The following PCSK6 variants were observed in gnomAD, a reference collection of about 807,000 sequenced individuals.
PCSK6 encodes the protein proprotein convertase subtilisin/kexin type 6.
In PCSK6, 85 loss-of-function variants were observed where a neutral mutation model predicts 123.3. The ratio of observed to expected loss-of-function variants is 0.69; its 90% CI spans 0.58 to 0.83. The LOEUF is 0.83. Ranked by LOEUF, PCSK6 falls within the 40% of genes least tolerant of loss-of-function variation. PCSK6 has a pLI of 0.00. For synonymous variants in PCSK6, 508 were observed against 516.0 expected (o/e 0.98, Z 0.21); for missense variants, 1,191 against 1,282.3 (o/e 0.93, Z 1.09).
intron 13 of PCSK6, among the ~76,000 whole-genome samples, chr15:101,358,254 T>C (rs1673450926): frequency 1.3e-5 from 2 of 152,208 alleles, no homozygotes; most frequent in African/African-American, 4.8e-5. Context: ...AGCCGTACCC[T>C]TGGGGCAGTC....
At chr15:101,350,578 C>A (rs1267200849) in intron 13 of PCSK6, among the ~76,000 whole-genome samples, 14 of 152,210 alleles carry the variant, frequency 9.2e-5, no homozygotes, top group Admixed American at 8.5e-4. Context: ...ATTTATTAAA[C>A]AGCAGTTAAA....
intron 6 of PCSK6, among the ~76,000 whole-genome samples, chr15:101,406,511 G>C (rs1012380171): frequency 6.6e-6 from 1 of 152,010 alleles, no homozygotes; most frequent in African/African-American, 2.4e-5. Flanking sequence ...TTTTTGTTTT[G>C]TTTTTTTCAG....
At chr15:101,489,282 G>A (rs1188884988) in intron 1 of PCSK6, 92 bp downstream of exon 1, 4 of 844,670 alleles carry the variant, frequency 4.7e-6, no homozygotes, top group Non-Finnish European at 4.3e-6. Flanking sequence ...CGCGGGGCCG[G>A]GGCCGGGCGG....
intron 13 of PCSK6, among the ~76,000 whole-genome samples, chr15:101,349,213 A>C (rs927599495): frequency 2.6e-5 from 4 of 152,222 alleles, no homozygotes; most frequent in Non-Finnish European, 4.4e-5. Context: ...TGAGGAGCCA[A>C]GGCAATGCTT....
At chr15:101,371,422 G>C (rs1053468769) in intron 11 of PCSK6, among the ~76,000 whole-genome samples, 3 of 152,062 alleles carry the variant, frequency 2.0e-5, no homozygotes, top group Non-Finnish European at 4.4e-5. Flanking sequence ...CCTGTCCTTG[G>C]ACCCCCTAAA....
Position 101,370,424 on chromosome 15 carries a change from AACC to A in PCSK6, c.1629_1631del (p.Val544del). 1 of 1,552,338 alleles carries A rather than the reference AACC, an allele frequency of 6.4e-7. No individual in the cohort carries two copies. On this transcript the variant is annotated inframe_deletion, in exon 12 of 22. Coordinates refer to ENST00000611716, the MANE Select transcript of PCSK6 (RefSeq NM_002570.5). ...GGCGTGGGTGTGAGATGGAGGTGCG[AACC>A]ACCACGTGCTCCAAGTAGACCACCC... is the stretch of plus-strand genomic sequence containing the variant.
At chr15:101,430,922 A>G (rs1458641808) in intron 4 of PCSK6, among the ~76,000 whole-genome samples, 1 of 152,254 alleles carries the variant, frequency 6.6e-6, no homozygotes, top group Non-Finnish European at 1.5e-5. Context: ...AACTTACTCA[A>G]GATCTCAGAG....
chr15:101,363,516 G>A (rs1432364609), intron 13 of PCSK6, among the ~76,000 whole-genome samples: 1 of 152,162 alleles, frequency 6.6e-6, no homozygotes, highest in Non-Finnish European at 1.5e-5. Flanking sequence ...TTTAATACTC[G>A]GCCAATACAC....
intron 12 of PCSK6, 45 bp from the exon 13 acceptor site, chr15:101,366,377 A>C (rs1385351597): frequency 6.3e-7 from 1 of 1,576,844 alleles, no homozygotes; most frequent in Non-Finnish European, 8.6e-7. Flanking sequence ...GCTGGTACTG[A>C]GTGGCTGGGC....
rs56385883 is a variant in PCSK6 at position 101,432,459 on chromosome 15, CAAAAAAA to C, written c.403-366_403-360del. 1.1e-3 allele frequency among the ~76,000 whole-genome samples: 129 copies of C among 117,350 alleles called. 1 individual carries two copies. Among genetic ancestry groups the C allele is most frequent in the Non-Finnish European group, 2.7e-4 (15 of 56,314 alleles). The allele number at this position is 117,350 out of a possible 152,430, so 77.0% of individuals were successfully genotyped here. On this transcript the variant is annotated intron_variant, in intron 2 of 21. Transcript: ENST00000611716. Reference sequence around the variant, plus strand: ...GCAACATGGTGAAACCCCACCTCTCCAAAAAAAAAAAAAAAAAAATCTAGCTGGGCAT... The same window carrying C: ...GCAACATGGTGAAACCCCACCTCTCCAAAAAAAAAAAATCTAGCTGGGCAT...
chr15:101,453,926 AC>A (rs2057105250), intron 1 of PCSK6, among the ~76,000 whole-genome samples: 12 of 152,196 alleles, frequency 7.9e-5, no homozygotes, highest in Admixed American at 5.9e-4. Context: ...AAGGCTGTGC[AC>A]AGCACACCTG....
At chr15:101,392,707 A>G (rs1246943413) in intron 8 of PCSK6, among the ~76,000 whole-genome samples, 1 of 151,416 alleles carries the variant, frequency 6.6e-6, no homozygotes, top group Non-Finnish European at 1.5e-5. Context: ...TGTTCACTTA[A>G]GTAAGCGGAA....
Position 101,326,496 on chromosome 15 carries a change from T to G in PCSK6, c.2078-17A>C. Reference sequence around the variant, plus strand: ...GGCACACACCTTAAAGAAACAAGCATTGCCTTTCATCCAGAGAGACGCCTT... The same window carrying G: ...GGCACACACCTTAAAGAAACAAGCAGTGCCTTTCATCCAGAGAGACGCCTT... On this transcript the variant is annotated splice_polypyrimidine_tract_variant and intron_variant, in intron 15 of 21. Coordinates refer to ENST00000611716, the MANE Select transcript of PCSK6 (RefSeq NM_002570.5). 6.4e-7 allele frequency: 1 copy of G among 1,558,642 alleles called. No homozygotes were observed. Among genetic ancestry groups the G allele is most frequent in the Non-Finnish European group, 8.7e-7 (1 of 1,149,376 alleles).
At chr15:101,402,072 A>C (rs2042604777) in intron 6 of PCSK6, among the ~76,000 whole-genome samples, 1 of 151,458 alleles carries the variant, frequency 6.6e-6, no homozygotes, top group Non-Finnish European at 1.5e-5. Flanking sequence ...CAAAACAGAG[A>C]TATAGATCAA....
chr15:101,365,371 T>C (rs1356537228), intron 13 of PCSK6, among the ~76,000 whole-genome samples: 2 of 152,224 alleles, frequency 1.3e-5, no homozygotes, highest in Non-Finnish European at 2.9e-5. Flanking sequence ...TCACACCTAC[T>C]AGAACGCTTA....
chr15:101,431,004 C>T (rs2056428847), intron 4 of PCSK6, among the ~76,000 whole-genome samples: 1 of 152,218 alleles, frequency 6.6e-6, no homozygotes, highest in Admixed American at 6.5e-5. Flanking sequence ...ACACTGTCAC[C>T]CTGTCACTGT....
chr15:101,364,987 G>A, intron 13 of PCSK6: 1 of 778,604 alleles, frequency 1.3e-6, no homozygotes, highest in Non-Finnish European at 2.4e-6. Context: ...AATCGAGAGT[G>A]TGGAAACGAA....
intron 1 of PCSK6, among the ~76,000 whole-genome samples, chr15:101,483,493 A>T (rs1000752033): frequency 6.6e-6 from 1 of 152,218 alleles, no homozygotes; most frequent in Non-Finnish European, 1.5e-5. Context: ...CAGACTCAGA[A>T]GCAACAAATT....
At position 101,431,320 on chromosome 15, in the gene PCSK6, A is replaced by G; in HGVS notation, c.657T>C (p.Tyr219=). 6.2e-7 allele frequency: 1 copy of G among 1,613,962 alleles called. No homozygotes were observed. Among genetic ancestry groups the G allele is most frequent in the East Asian group, 2.2e-5 (1 of 44,886 alleles). The change falls in exon 4 of 22, where the codon TAT becomes TAC. Residue 219 remains tyrosine, a splice_region_variant and synonymous_variant. Transcript: ENST00000611716. ...ATGTCAGTTCCGAGGATTGACTTAC[A>G]TAATTTGGGGCCAGGTCAGGGTGAT... ...ERNHPDLAPN[Y]DSYASYDVNG... is the part of the protein sequence containing the mutation.
Sources: gnomAD v4.1 joint callset for allele counts (sites outside exome capture counted in the v4.1 genomes callset) on GRCh38, gnomAD v4.1.1 for gene constraint, MANE v1.5 for transcripts, NCBI Gene and HGNC (gene_info 2026-07-23, HGNC 2026-07-21) for gene names.